Variants in BRD4 observed in about 807,000 individuals in gnomAD.
The protein encoded by BRD4 is bromodomain-containing protein 4.
BRD4 carries 16 observed loss-of-function variants against 142.1 expected under a neutral mutation model. The ratio of observed to expected loss-of-function variants is 0.11; its 90% confidence interval spans 0.08 to 0.17. BRD4 has a LOEUF of 0.17. Ranked by LOEUF, BRD4 falls within the 10% of genes least tolerant of loss-of-function variation. The probability of loss-of-function intolerance (pLI) is 1.00; values close to 1 mark genes in which losing one functional copy is unlikely to be tolerated. For synonymous variants in BRD4, 833 were observed against 707.5 expected (o/e 1.18, Z -2.82); for missense variants, 1,424 against 1,810.9 (o/e 0.79, Z 3.88).
chr19:15,253,508 A>G, intron 11 of BRD4: 3 of 1,497,376 alleles, frequency 2.0e-6, no homozygotes, highest in Non-Finnish European at 2.7e-6. Context: ...GTTAGTTAGA[A>G]CTGCAGGAGG....
intron 1 of BRD4, among the ~76,000 whole-genome samples, chr19:15,283,957 G>C (rs925010701): frequency 7.0e-4 from 107 of 152,262 alleles, no homozygotes; most frequent in African/African-American, 2.5e-3. Context: ...AGCCAAACTA[G>C]ACCTTTGATG....
At chr19:15,324,875 T>C (rs560410057) in intron 1 of BRD4, among the ~76,000 whole-genome samples, 98 of 152,296 alleles carry the variant, frequency 6.4e-4, no homozygotes, top group African/African-American at 2.2e-3. Context: ...CTTAATCTCA[T>C]TATCAGATAA....
intron 11 of BRD4, among the ~76,000 whole-genome samples, chr19:15,246,259 G>A (rs2047285150): frequency 6.6e-6 from 1 of 152,208 alleles, no homozygotes; most frequent in Non-Finnish European, 1.5e-5. Context: ...CAGGGCAACA[G>A]GGAGTCTGAC....
chr19:15,324,907 C>G (rs951467654), intron 1 of BRD4, among the ~76,000 whole-genome samples: 2 of 152,304 alleles, frequency 1.3e-5, no homozygotes, highest in Admixed American at 1.3e-4. Flanking sequence ...ATCCCTCTTT[C>G]AAGCACCTCT....
At chr19:15,262,269 G>A (rs546658422) in intron 7 of BRD4, among the ~76,000 whole-genome samples, 3 of 152,312 alleles carry the variant, frequency 2.0e-5, no homozygotes, top group African/African-American at 7.2e-5. Context: ...GCGACAGCCA[G>A]GTGTGCAGAA....
At chr19:15,328,929 A>T (rs1003024020) in intron 1 of BRD4, among the ~76,000 whole-genome samples, 1 of 152,062 alleles carries the variant, frequency 6.6e-6, no homozygotes, top group Non-Finnish European at 1.5e-5. Context: ...ATGCGCCACT[A>T]TGCCCGGCTA....
chr19:15,330,432 CAT>C (rs112250435), intron 1 of BRD4, among the ~76,000 whole-genome samples: 6 of 152,196 alleles, frequency 3.9e-5, no homozygotes, highest in South Asian at 2.1e-4. Context: ...AGATAAAAAA[CAT>C]AATCCCCACC....
intron 1 of BRD4, among the ~76,000 whole-genome samples, chr19:15,282,987 TAATTA>T (rs899498552): frequency 5.9e-5 from 9 of 152,126 alleles, no homozygotes; most frequent in African/African-American, 1.9e-4. Context: ...ATAAATTAAA[TAATTA>T]AATTATGAAA....
At chr19:15,261,314 T>C (rs973573846) in intron 7 of BRD4, among the ~76,000 whole-genome samples, 2 of 151,932 alleles carry the variant, frequency 1.3e-5, no homozygotes, top group Non-Finnish European at 2.9e-5. Context: ...CAAAACCCCC[T>C]CTCTACTAAA....
At chr19:15,300,027 T>C (rs926684936) in intron 1 of BRD4, among the ~76,000 whole-genome samples, 4 of 152,070 alleles carry the variant, frequency 2.6e-5, no homozygotes, top group Admixed American at 6.5e-5. Flanking sequence ...AGAGGATCAC[T>C]TGAGCCCAGG....
At chr19:15,324,863 C>A (rs1185657675) in intron 1 of BRD4, among the ~76,000 whole-genome samples, 1 of 152,204 alleles carries the variant, frequency 6.6e-6, no homozygotes, top group Non-Finnish European at 1.5e-5. Context: ...ATTATCACTG[C>A]TCTTAATCTC....
At chr19:15,300,637 T>C (rs1226957723) in intron 1 of BRD4, among the ~76,000 whole-genome samples, 2 of 146,150 alleles carry the variant, frequency 1.4e-5, no homozygotes, top group East Asian at 2.0e-4. Context: ...AAGATAAATA[T>C]ATACCAAAAA....
At chr19:15,267,654 C>A in intron 3 of BRD4, 103 bp from the exon 4 acceptor site, 1 of 1,360,632 alleles carries the variant, frequency 7.3e-7, no homozygotes. Flanking sequence ...AAACATGAAG[C>A]GTCGTATTCC....
Position 15,330,809 on chromosome 19 carries a change from C to T in BRD4, c.-35+1481G>A, listed in dbSNP as rs1176739634. Among the ~76,000 whole-genome samples the T allele has an allele frequency of 2.6e-5, 4 of 152,150 alleles. 1 individual carries two copies. The highest frequency in any genetic ancestry group is 5.9e-5 in the Non-Finnish European group (4 of 68,032). On this transcript the variant is annotated intron_variant, in intron 1 of 19. Transcript: ENST00000679869. The stretch of plus-strand genomic sequence containing the variant: ...TGGCAAGATCATAAAACAGATTGTG[C>T]CATCAAAAACTTTCTTGAAATTAAA...
chr19:15,327,917 T>TCGG (rs2048122872), intron 1 of BRD4, among the ~76,000 whole-genome samples: 1 of 2,164 alleles, frequency 4.6e-4, no homozygotes, highest in Non-Finnish European at 7.2e-4. Flanking sequence ...TGGATTTCTT[T>TCGG]TGGGGGGGGG....
At chr19:15,261,105 T>TGGGA (rs2047465894) in intron 7 of BRD4, among the ~76,000 whole-genome samples, 1 of 151,842 alleles carries the variant, frequency 6.6e-6, no homozygotes, top group Non-Finnish European at 1.5e-5. Context: ...CTCAAGAGAG[T>TGGGA]GGGAGAGAGG....
chr19:15,257,611 G>A (rs1275709033), intron 7 of BRD4, among the ~76,000 whole-genome samples: 1 of 152,062 alleles, frequency 6.6e-6, no homozygotes, highest in African/African-American at 2.4e-5. Flanking sequence ...CCAGGCAGAG[G>A]ACACAGCACA....
At chr19:15,311,671 G>A (rs950938397) in intron 1 of BRD4, among the ~76,000 whole-genome samples, 1 of 151,018 alleles carries the variant, frequency 6.6e-6, no homozygotes, top group Non-Finnish European at 1.5e-5. Flanking sequence ...GCATGGTGGC[G>A]GGTGCCTGTA....
chr19:15,271,840 A>G (rs558221854), intron 2 of BRD4, among the ~76,000 whole-genome samples: 12 of 145,484 alleles, frequency 8.2e-5, no homozygotes, highest in Admixed American at 8.1e-4. Flanking sequence ...ATAGCACCAG[A>G]CAGTTCTTAC....
Sources: allele counts gnomAD v4.1 joint callset (sites outside exome capture counted in the v4.1 genomes callset), GRCh38; gene constraint gnomAD v4.1.1; transcripts MANE v1.5; gene names NCBI Gene and HGNC (gene_info 2026-07-23, HGNC 2026-07-21).